JAKMIP3: variants seen among roughly 807,000 people sequenced by gnomAD.
JAKMIP3 encodes the protein Janus kinase and microtubule interacting protein 3.
Under a neutral mutation model 118.5 loss-of-function variants are expected in JAKMIP3, and 58 were observed. The ratio of observed to expected loss-of-function variants is 0.49; its 90% CI spans 0.40 to 0.61. JAKMIP3 has a LOEUF of 0.61. Among genes scored for constraint, JAKMIP3 ranks in the 20% least tolerant of loss-of-function variants. JAKMIP3 has a pLI of 0.00. For missense variants in JAKMIP3, 950 were observed against 1,109.0 expected (o/e 0.86, Z 2.04); for synonymous variants, 486 against 451.2 (o/e 1.08, Z -0.98).
At chr10:132,165,002 C>T (rs2058747730) in intron 21 of JAKMIP3, among the ~76,000 whole-genome samples, 1 of 152,198 alleles carries the variant, frequency 6.6e-6, no homozygotes, top group Non-Finnish European at 1.5e-5. Flanking sequence ...GCCATGCGAC[C>T]GCAGAGGAGC....
At chr10:132,046,715 A>C (rs557894771) in intron 1 of JAKMIP3, among the ~76,000 whole-genome samples, 1 of 152,362 alleles carries the variant, frequency 6.6e-6, no homozygotes, top group South Asian at 2.1e-4. Context: ...ACAGAAGAGA[A>C]TTCTGTATAC....
At chr10:132,046,553 A>G (rs1481791321) in intron 1 of JAKMIP3, among the ~76,000 whole-genome samples, 1 of 151,944 alleles carries the variant, frequency 6.6e-6, no homozygotes, top group Admixed American at 6.6e-5. Context: ...GTGTGTGTCC[A>G]GCTCGCCCAA....
Position 132,135,104 on chromosome 10 carries a change from A to G in JAKMIP3, c.913A>G (p.Ile305Val). The G allele has an allele frequency of 6.2e-7, 1 of 1,613,518 alleles. No homozygotes were observed. The highest frequency in any genetic ancestry group is 2.2e-5 in the East Asian group (1 of 44,878). Residue 305 changes from isoleucine (I) to valine (V), a missense_variant, in exon 5 of 24, where the codon ATT becomes GTT. Ile to Val is a conservative substitution (Grantham distance 29). Coordinates refer to ENST00000684848, the MANE Select transcript of JAKMIP3 (RefSeq NM_001323087.2). ...GCTTAAAATCGCGGAGTTAAGTGCG[A>G]TTATCCGCAAACTGGAGGACCGCAA... Reference protein sequence around the residue: ...FQLKIAELSAIIRKLEDRNAL... With the variant: ...FQLKIAELSAVIRKLEDRNAL...
In JAKMIP3 at chr10:132,118,967, T is replaced by A. The variant is rs10870260; in HGVS notation, c.633+1393T>A. Among the ~76,000 whole-genome samples the A allele has an allele frequency of 0.11, 17,205 of 152,218 alleles. 1,274 individuals carry two copies. The highest frequency in any genetic ancestry group is 0.17 in the Non-Finnish European group (11,227 of 67,998). On this transcript the variant is annotated intron_variant, in intron 3 of 23. Transcript: ENST00000684848. This position sits in a 1 kb window ranked among gnomAD's most constrained non-coding sequence, Gnocchi z 4.8. ...GACCCTTTCATTTGTCTTGGTTGGA[T>A]TCGATGCTCTCAGTAGAGGAAGGCA...
intron 1 of JAKMIP3, among the ~76,000 whole-genome samples, chr10:132,093,049 G>C (rs1031160394): frequency 6.6e-6 from 1 of 152,206 alleles, no homozygotes; most frequent in Non-Finnish European, 1.5e-5. Context: ...GACCCTGTTT[G>C]CCTGGGTGTC....
chr10:132,170,770 G>A (rs2059415639), intron 23 of JAKMIP3, among the ~76,000 whole-genome samples: 1 of 152,206 alleles, frequency 6.6e-6, no homozygotes, highest in Non-Finnish European at 1.5e-5. Flanking sequence ...GTGGGTGGGC[G>A]CCGCTCCGCT....
At chr10:132,177,391 G>T (rs115667668) in intron 23 of JAKMIP3, among the ~76,000 whole-genome samples, 2,795 of 152,352 alleles carry the variant, frequency 0.018, 91 homozygotes, top group African/African-American at 0.064. Flanking sequence ...CCAGTGTGTG[G>T]GGGGAGTGTG....
chr10:132,078,202 G>C (rs372335271), intron 1 of JAKMIP3, among the ~76,000 whole-genome samples: 1 of 145,112 alleles, frequency 6.9e-6, no homozygotes, highest in African/African-American at 2.6e-5. Context: ...TTATTGGTTT[G>C]TTATTACATT....
rs1054038356 is a variant in JAKMIP3, at chr10:132,141,806, C to T, written c.1474-114C>T. 4 of 1,222,542 alleles carry T rather than the reference C, an allele frequency of 3.3e-6. No individual in the cohort carries two copies. The Admixed American group carries it at 6.7e-5, about 20-fold the overall frequency. The allele number at this position is 1,222,542 out of a possible 1,614,324, so 75.7% of individuals were successfully genotyped here. On this transcript the variant is annotated intron_variant, in intron 10 of 23. Transcript: ENST00000684848. ...CCCTCATGCTGCTAGAGAGACCCCC[C>T]CATACACCATTTGATATCTGGGGAG... is the stretch of plus-strand genomic sequence containing the variant.
chr10:132,172,012 G>A (rs995665781), intron 23 of JAKMIP3, among the ~76,000 whole-genome samples: 2 of 152,144 alleles, frequency 1.3e-5, no homozygotes, highest in African/African-American at 4.8e-5. Context: ...CACACCCTGG[G>A]TTCTGGTTTC....
Position 132,097,893 on chromosome 10 carries a change from C to T in JAKMIP3, c.-137-6779C>T, listed in dbSNP as rs569663897. Among the ~76,000 whole-genome samples, 5 of 58,366 alleles carry T rather than the reference C, an allele frequency of 8.6e-5. No individual in the cohort carries two copies. The South Asian group carries it at 3.2e-3, about 37-fold the overall frequency. The allele number at this position is 58,366 out of a possible 152,430, so 38.3% of individuals were successfully genotyped here. A position where few individuals can be genotyped will look rare whatever the true frequency, so the allele number is the denominator to read the frequency against. On this transcript the variant is annotated intron_variant, in intron 1 of 23. Coordinates refer to ENST00000684848, the MANE Select transcript of JAKMIP3 (RefSeq NM_001323087.2). ...TTCCTTCCTTTTATTTTCTTCCCTT[C>T]CCCTTCCCCTTCCCCTTCCCCTTCC...
chr10:132,095,525 T>G (rs2043736309), intron 1 of JAKMIP3, among the ~76,000 whole-genome samples: 1 of 152,208 alleles, frequency 6.6e-6, no homozygotes, highest in African/African-American at 2.4e-5. Context: ...GGTCCTCCTT[T>G]CCCACTTCCA....
At chr10:132,121,677 C>T (rs544985544) in intron 3 of JAKMIP3, among the ~76,000 whole-genome samples, 9 of 152,268 alleles carry the variant, frequency 5.9e-5, no homozygotes, top group East Asian at 3.9e-4. Flanking sequence ...AGTCTGGGGA[C>T]GGGCAGGCCT....
chr10:132,068,127 G>A (rs970254386), intron 1 of JAKMIP3, among the ~76,000 whole-genome samples: 5 of 140,766 alleles, frequency 3.6e-5, no homozygotes, highest in Non-Finnish European at 6.0e-5. Context: ...GTGGGCTTCC[G>A]TGTGGACTGG....
In JAKMIP3 at chr10:132,136,943, C is replaced by T. The variant is rs75536373; in HGVS notation, c.1117-76C>T. The T allele has an allele frequency of 4.0e-6, 6 of 1,499,730 alleles. No individual in the cohort carries two copies. The East Asian group carries it at 9.2e-5, about 23-fold the overall frequency. The allele number at this position is 1,499,730 out of a possible 1,614,324, so 92.9% of individuals were successfully genotyped here. A position where few individuals can be genotyped will look rare whatever the true frequency, so the allele number is the denominator to read the frequency against. ...TGGCAGCCCGGGTTGAGGGAGAAGA[C>T]CCCCCCGCCGACCCACTGTGTTCAG... On this transcript the variant is annotated intron_variant, in intron 6 of 23. Coordinates refer to ENST00000684848, the MANE Select transcript of JAKMIP3 (RefSeq NM_001323087.2).
At chr10:132,164,312 G>A (rs762575635) in intron 20 of JAKMIP3, among the ~76,000 whole-genome samples, 1 of 152,216 alleles carries the variant, frequency 6.6e-6, no homozygotes, top group African/African-American at 2.4e-5. Flanking sequence ...GGCTCTCTCT[G>A]TGCCCAGCTC....
At chr10:132,180,600 T>TGTGC (rs2060839985) in intron 23 of JAKMIP3, among the ~76,000 whole-genome samples, 4 of 39,120 alleles carry the variant, frequency 1.0e-4, no homozygotes, top group African/African-American at 5.2e-4. Context: ...TGTGTGTGCG[T>TGTGC]GCGCGTGTGT....
intron 23 of JAKMIP3, among the ~76,000 whole-genome samples, chr10:132,180,550 C>CGCGCGTGTGTGTGCGCGCGT (rs1565018193): frequency 1.6e-4 from 1 of 6,356 alleles, no homozygotes; most frequent in Non-Finnish European, 2.9e-4. Flanking sequence ...TGTGTGCGTG[C>CGCGCGTGTGTGTGCGCGCGT]GTGCATGCGT....
At position 132,141,970 on chromosome 10, in the gene JAKMIP3, G is replaced by C; in HGVS notation, c.1524G>C (p.Glu508Asp). Reference protein sequence around the residue: ...TELRFRQLTMEYQALQRAYAL... With the variant: ...TELRFRQLTMDYQALQRAYAL... ...TGAGGTTCCGGCAGCTGACCATGGAGTACCAGGCCCTGCAGCGTGCCTACG... is the reference window on the plus strand; with the variant it reads ...TGAGGTTCCGGCAGCTGACCATGGACTACCAGGCCCTGCAGCGTGCCTACG... The change falls in exon 11 of 24, where the codon GAG (glutamate) becomes GAC (aspartate). Residue 508 changes from glutamate to aspartate, a missense_variant. Coordinates refer to ENST00000684848, the MANE Select transcript of JAKMIP3 (RefSeq NM_001323087.2). The C allele has an allele frequency of 6.2e-7, 1 of 1,600,406 alleles. No individual in the cohort carries two copies. The highest frequency in any genetic ancestry group is 8.5e-7 in the Non-Finnish European group (1 of 1,173,882).
Sources: allele counts gnomAD v4.1 joint callset (sites outside exome capture counted in the v4.1 genomes callset), GRCh38; gene constraint gnomAD v4.1.1; non-coding constraint Gnocchi (gnomAD v3.1); transcripts MANE v1.5; gene names NCBI Gene and HGNC (gene_info 2026-07-23, HGNC 2026-07-21).